The following ZNF157 variants were observed in gnomAD, a reference collection of about 807,000 sequenced individuals.
ZNF157 encodes the protein zinc finger protein 157, also known as zinc finger protein 22.
ZNF157 carries 8 observed loss-of-function variants against 9.4 expected under a neutral mutation model. The observed-to-expected ratio is 0.85, with a 90% CI of 0.50 to 1.53. The LOEUF (loss-of-function observed/expected upper bound fraction) is 1.53, where lower values mean the gene tolerates loss of function less well. ZNF157 is among the 40% of genes most tolerant of loss of function. The pLI is 0.00. For synonymous variants in ZNF157, 120 were observed against 130.8 expected (o/e 0.92, Z 0.56); for missense variants, 316 against 385.2 (o/e 0.82, Z 1.50).
At chrX:47,378,963 C>T (rs769242746) in intron 1 of ZNF157, among the ~76,000 whole-genome samples, 1 of 111,656 alleles carries the variant, frequency 9.0e-6, no homozygotes, top group Non-Finnish European at 1.9e-5. Context: ...ATAATTTTCT[C>T]ATTATAATTT....
intron 1 of ZNF157, among the ~76,000 whole-genome samples, chrX:47,382,893 C>A (rs1159304409): frequency 9.1e-6 from 1 of 110,228 alleles, no homozygotes; most frequent in Non-Finnish European, 1.9e-5. Flanking sequence ...GCATAGGCAC[C>A]CCATGTAAAC....
intron 1 of ZNF157, among the ~76,000 whole-genome samples, chrX:47,371,090 C>A: frequency 8.9e-6 from 1 of 111,842 alleles, no homozygotes; most frequent in Non-Finnish European, 1.9e-5. Context: ...GTAATCCCAG[C>A]ACTTTGGGAG....
chrX:47,411,141 A>G (rs1283140662), intron 3 of ZNF157, among the ~76,000 whole-genome samples: 1 of 109,708 alleles, frequency 9.1e-6, no homozygotes, highest in Non-Finnish European at 1.9e-5. Flanking sequence ...GGTGCGTGCC[A>G]CCACGCCTGG....
At chrX:47,410,239 T>G in intron 1 of ZNF157, 37 bp from the exon 2 acceptor site, 3 of 1,210,508 alleles carry the variant, frequency 2.5e-6, no homozygotes, top group Non-Finnish European at 3.4e-6. Context: ...ATCTTTTTCA[T>G]GCATCCCATT....
At chrX:47,390,413 C>G (rs1203888236) in intron 1 of ZNF157, 1 of 111,840 alleles carries the variant, frequency 8.9e-6, no homozygotes, top group Non-Finnish European at 1.9e-5. Flanking sequence ...ATAAGATTTC[C>G]TCTTGGGCTG....
intron 1 of ZNF157, among the ~76,000 whole-genome samples, chrX:47,393,028 G>A (rs1394619820): frequency 1.8e-5 from 2 of 110,613 alleles, no homozygotes; most frequent in East Asian, 2.9e-4. Flanking sequence ...GGTGGCGCAC[G>A]CCTGTAATCC....
intron 1 of ZNF157, among the ~76,000 whole-genome samples, chrX:47,389,727 C>T (rs1183230115): frequency 9.0e-6 from 1 of 110,965 alleles, no homozygotes; most frequent in Non-Finnish European, 1.9e-5. Flanking sequence ...TTGGCAAAAC[C>T]CCGTCTCTAC....
chrX:47,412,334 A>C, intron 3 of ZNF157, 35 bp from the exon 4 acceptor site: 1 of 1,115,814 alleles, frequency 9.0e-7, no homozygotes, highest in Non-Finnish European at 1.2e-6. Context: ...GGGATTTTAC[A>C]TAAAAGAGTG....
At chrX:47,407,312 A>C in intron 1 of ZNF157, among the ~76,000 whole-genome samples, 1 of 112,116 alleles carries the variant, frequency 8.9e-6, no homozygotes, top group Middle Eastern at 4.6e-3. Context: ...TTTTCTTGTC[A>C]TGTCTTTGTC....
At chrX:47,396,403 G>A (rs913132450) in intron 1 of ZNF157, among the ~76,000 whole-genome samples, 1 of 110,699 alleles carries the variant, frequency 9.0e-6, no homozygotes, top group Non-Finnish European at 1.9e-5. Flanking sequence ...GCTGCACGTG[G>A]TGGTGCATCC....
chrX:47,409,491 T>G (rs1328501220), intron 1 of ZNF157, among the ~76,000 whole-genome samples: 1 of 81,442 alleles, frequency 1.2e-5, no homozygotes, highest in African/African-American at 4.7e-5. Flanking sequence ...CCTGCCACCA[T>G]GCCCGGCTAA....
chrX:47,395,949 G>A (rs1331337646), intron 1 of ZNF157, among the ~76,000 whole-genome samples: 2 of 111,403 alleles, frequency 1.8e-5, no homozygotes, highest in African/African-American at 6.5e-5. Context: ...CTGGGTGAGA[G>A]AGCGAGACCT....
chrX:47,400,658 T>C (rs769567080), intron 1 of ZNF157, among the ~76,000 whole-genome samples: 1 of 111,450 alleles, frequency 9.0e-6, no homozygotes, highest in East Asian at 2.8e-4. Flanking sequence ...TCTTTTCTTT[T>C]CTCTTCTTTC....
intron 1 of ZNF157, chrX:47,390,795 C>T (rs751666140): frequency 1.8e-5 from 2 of 112,395 alleles, no homozygotes; most frequent in Non-Finnish European, 3.8e-5. Flanking sequence ...GTCTCTCTGT[C>T]TCTGTCTCTC....
chrX:47,386,749 G>A (rs1232930060), intron 1 of ZNF157, among the ~76,000 whole-genome samples: 1 of 110,832 alleles, frequency 9.0e-6, no homozygotes, highest in Non-Finnish European at 1.9e-5. Flanking sequence ...CATGAGCCAC[G>A]CCACCCGGCT....
At chrX:47,396,831 A>G (rs1428104821) in intron 1 of ZNF157, among the ~76,000 whole-genome samples, 2 of 112,053 alleles carry the variant, frequency 1.8e-5, no homozygotes, top group Non-Finnish European at 3.8e-5. Flanking sequence ...AGGCCTCACA[A>G]TCATGGCGGA....
chrX:47,410,457 C>T (rs1184810903), intron 2 of ZNF157, 55 bp downstream of exon 2: 2 of 1,184,881 alleles, frequency 1.7e-6, no homozygotes, highest in Non-Finnish European at 2.3e-6. Flanking sequence ...TTCTTGGTTG[C>T]TGTAACATGT....
At chrX:47,387,548 T>C in intron 1 of ZNF157, among the ~76,000 whole-genome samples, 1 of 109,637 alleles carries the variant, frequency 9.1e-6, no homozygotes, top group East Asian at 3.1e-4. Flanking sequence ...TAAGCCACCA[T>C]GCCTGGTCCT....
Position 47,384,617 on chromosome X carries a change from A to G in ZNF157, c.72+13877A>G, listed in dbSNP as rs144881016. On this transcript the variant is annotated intron_variant, in intron 1 of 3. Coordinates refer to ENST00000377073, the MANE Select transcript of ZNF157 (RefSeq NM_003446.4). ...ATTGCCGAAGCCCACGAAGTATACAATAGAACCTGGGGTGCCGCACAGACA... is the reference window on the plus strand; with the variant it reads ...ATTGCCGAAGCCCACGAAGTATACAGTAGAACCTGGGGTGCCGCACAGACA... Among the ~76,000 whole-genome samples the G allele has an allele frequency of 6.9e-3, 780 of 112,464 alleles. 3 individuals carry two copies. The highest frequency in any genetic ancestry group is 0.011 in the Non-Finnish European group (564 of 53,319).
Sources: allele counts gnomAD v4.1 joint callset (sites outside exome capture counted in the v4.1 genomes callset), GRCh38; gene constraint gnomAD v4.1.1; transcripts MANE v1.5; gene names NCBI Gene and HGNC (gene_info 2026-07-23, HGNC 2026-07-21).